The following CCP110 variants were observed in gnomAD, a reference collection of about 807,000 sequenced individuals.
CCP110 encodes centriolar coiled-coil protein 110.
A neutral mutation model predicts 105.5 loss-of-function variants in CCP110; 43 were observed. That is an observed-to-expected ratio of 0.41 (90% CI 0.32 to 0.53). The LOEUF (loss-of-function observed/expected upper bound fraction) is 0.53, where lower values mean the gene tolerates loss of function less well. Among genes scored for constraint, CCP110 ranks in the 20% least tolerant of loss-of-function variants. The probability of loss-of-function intolerance (pLI) is 0.32; values close to 1 mark genes in which losing one functional copy is unlikely to be tolerated. For missense variants in CCP110, 1,016 were observed against 1,189.1 expected, an observed-to-expected ratio of 0.85 and a Z score of 2.14; for synonymous variants, 353 against 392.1, an observed-to-expected ratio of 0.90 and a Z score of 1.18.
chr16:19,545,658 G>C (rs1023521350), intron 10 of CCP110, among the ~76,000 whole-genome samples, 159 bp from the exon 11 acceptor site: 3 of 152,056 alleles, frequency 2.0e-5, no homozygotes, highest in Non-Finnish European at 4.4e-5. Flanking sequence ...TTAATTCTTA[G>C]AATTAGACTG....
intron 3 of CCP110, among the ~76,000 whole-genome samples, chr16:19,535,177 G>A (rs573982663): frequency 2.0e-5 from 3 of 152,076 alleles, no homozygotes; most frequent in African/African-American, 4.8e-5. Context: ...ACCATGCCCC[G>A]CCAGTAGTCA....
At chr16:19,532,355 C>G (rs1310901949) in intron 2 of CCP110, 61 bp from the exon 3 acceptor site, 1 of 1,425,734 alleles carries the variant, frequency 7.0e-7, no homozygotes, top group Non-Finnish European at 9.5e-7. Context: ...TGATTCACAA[C>G]TTCCCGATTT....
In CCP110 at chr16:19,527,991, G is replaced by A. The variant is rs1395120292; in HGVS notation, c.110G>A (p.Arg37His). 2.2e-5 allele frequency: 35 copies of A among 1,612,296 alleles called. No homozygotes were observed. The highest frequency in any genetic ancestry group is 3.3e-5 in the Admixed American group (2 of 59,744). The change falls in exon 2 of 15, where the codon CGC becomes CAC. Residue 37 changes from arginine (R) to histidine (H), a missense_variant. Transcript: ENST00000381396. ...CAGTCTGAAAGTATCTCACTTATTCGCTTTCATGGAGTGGCTATCCTTTCT... is the reference window on the plus strand; with the variant it reads ...CAGTCTGAAAGTATCTCACTTATTCACTTTCATGGAGTGGCTATCCTTTCT...
In CCP110 at chr16:19,544,873, C is replaced by A; in HGVS notation, c.2561C>A (p.Ser854Ter). Reference sequence around the variant, plus strand: ...GGCATTGTTTCAGCTCAAGATGCTTCACTTCAGGAAAGAGTGTTAGCTCAG... The same window carrying A: ...GGCATTGTTTCAGCTCAAGATGCTTAACTTCAGGAAAGAGTGTTAGCTCAG... Residue 854 changes from serine (S) to a stop codon, truncating the protein, a stop_gained, in exon 9 of 15, where the codon TCA becomes TAA. Transcript: ENST00000381396. LOFTEE classifies it high-confidence loss of function. 1 of 1,596,474 alleles carries A rather than the reference C, an allele frequency of 6.3e-7. No individual in the cohort carries two copies. The highest frequency in any genetic ancestry group is 8.6e-7 in the Non-Finnish European group (1 of 1,164,498).
intron 2 of CCP110, among the ~76,000 whole-genome samples, chr16:19,531,953 A>G (rs1969884999): frequency 6.6e-6 from 1 of 150,686 alleles, no homozygotes; most frequent in Non-Finnish European, 1.5e-5. Context: ...GTGACAGAGC[A>G]AGACTCCATC....
At chr16:19,544,951 CT>C in intron 9 of CCP110, 53 bp downstream of exon 9, 2 of 1,075,456 alleles carry the variant, frequency 1.9e-6, no homozygotes, top group Non-Finnish European at 2.8e-6. Flanking sequence ...TATATTTCTC[CT>C]TTTTTATTTA....
In CCP110 at chr16:19,548,453, T is replaced by C. The variant is rs1450256289; in HGVS notation, c.2901-62T>C. 27 of 1,083,576 alleles carry C rather than the reference T, an allele frequency of 2.5e-5. No homozygotes were observed. The highest frequency in any genetic ancestry group is 2.0e-4 in the Middle Eastern group (1 of 4,912). 67.1% of individuals were successfully genotyped at this position (1,083,576 alleles called of 1,614,324 possible). On this transcript the variant is annotated intron_variant, in intron 13 of 14. Coordinates refer to ENST00000381396, the Ensembl canonical transcript of CCP110. This position sits in a 1 kb window ranked among gnomAD's most constrained non-coding sequence, Gnocchi z 4.1. The stretch of plus-strand genomic sequence containing the variant: ...AGTTGATGCAATGTGATTGCTTTCT[T>C]TGAATTTTGAACATTTAGACCTTAA...
At chr16:19,524,865 A>C (rs2151456503) in intron 1 of CCP110, 1 of 152,340 alleles carries the variant, frequency 6.6e-6, no homozygotes, top group Admixed American at 6.5e-5. Flanking sequence ...CATCATCATT[A>C]TCCTCTTAAT....
intron 10 of CCP110, 119 bp downstream of exon 10, chr16:19,545,329 C>A: frequency 5.5e-6 from 3 of 549,058 alleles, no homozygotes; most frequent in South Asian, 2.8e-5. Context: ...ACAAGTAATT[C>A]CTGGAATTAC....
At chr16:19,534,134 G>A (rs1342918412) in intron 3 of CCP110, among the ~76,000 whole-genome samples, 4 of 152,090 alleles carry the variant, frequency 2.6e-5, no homozygotes, top group Non-Finnish European at 5.9e-5. Flanking sequence ...TATAGTGTGT[G>A]GGTAGTAGAT....
intron 4 of CCP110, among the ~76,000 whole-genome samples, chr16:19,540,184 A>G (rs1412973570): frequency 6.6e-6 from 1 of 152,212 alleles, no homozygotes; most frequent in African/African-American, 2.4e-5. Context: ...AATATCTGGA[A>G]TTTTAACGTC....
chr16:19,541,843 T>C (rs757339990), intron 5 of CCP110, 44 bp from the exon 6 acceptor site: 1 of 1,121,172 alleles, frequency 8.9e-7, no homozygotes, highest in East Asian at 2.6e-5. Context: ...TTTTGGGACA[T>C]AATTAAAAGG....
Position 19,545,018 on chromosome 16 carries a change from G to C in CCP110, c.2587-76G>C, listed in dbSNP as rs1219124681. 3.5e-5 allele frequency: 34 copies of C among 983,360 alleles called. No homozygotes were observed. In the South Asian group the frequency reaches 5.0e-4, roughly 14 times the overall value. 60.9% of individuals were successfully genotyped at this position (983,360 alleles called of 1,614,324 possible). A position where few individuals can be genotyped will look rare whatever the true frequency, so the allele number is the denominator to read the frequency against. On this transcript the variant is annotated intron_variant, in intron 9 of 14. Transcript: ENST00000381396. ...TTTTAATCTTTTTCTATAAATAAGT[G>C]TACATGGTATATAGTATTCCTGAAC... is the stretch of plus-strand genomic sequence containing the variant.
chr16:19,551,024 T>C (rs1253838468), intron 14 of CCP110, among the ~76,000 whole-genome samples, 172 bp from the exon 14 acceptor site: 1 of 152,238 alleles, frequency 6.6e-6, no homozygotes, highest in African/African-American at 2.4e-5. Flanking sequence ...TCAGTTTTAT[T>C]ATCCTTAAAA....
At position 19,548,547 on chromosome 16, in the gene CCP110, A is replaced by G; in HGVS notation, c.2933A>G (p.Gln978Arg). 1 of 1,549,928 alleles carries G rather than the reference A, an allele frequency of 6.5e-7. No individual in the cohort carries two copies. The change falls in exon 14 of 15, where the codon CAA becomes CGA. Residue 978 changes from glutamine (Q) to arginine (R), a missense_variant. Coordinates refer to ENST00000381396, the Ensembl canonical transcript of CCP110. This position sits in a 1 kb window ranked among gnomAD's most constrained non-coding sequence, Gnocchi z 4.1. ...AAGACATCAGTGAAGGGGGTTGTGC[A>G]AAATAGACAGAAGCCTTCACAGAGC...
At chr16:19,539,128 A>G (rs1036549002) in intron 4 of CCP110, among the ~76,000 whole-genome samples, 1 of 151,708 alleles carries the variant, frequency 6.6e-6, no homozygotes, top group Non-Finnish European at 1.5e-5. Context: ...AAAAAATAAT[A>G]ATAATAAAGG....
At chr16:19,551,205 C>A in exon 15 of CCP110, 1 of 1,609,366 alleles carries the variant, frequency 6.2e-7, no homozygotes, top group African/African-American at 1.3e-5. Flanking sequence ...GGAGTATATG[C>A]AGGAAAAATC....
At chr16:19,536,237 A>T (rs1265911341) in exon 4 of CCP110, 1 of 1,613,950 alleles carries the variant, frequency 6.2e-7, no homozygotes, top group South Asian at 1.1e-5. Context: ...TTTTCCAAAG[A>T]CCTCTTCAGC....
In CCP110 at chr16:19,541,165, T is replaced by C. The variant is rs564189729; in HGVS notation, c.2049+378T>C. On this transcript the variant is annotated intron_variant, in intron 5 of 14. Transcript: ENST00000381396. ...TATGCAGGAGGCTGAGGTGGGAGGA[T>C]TGCTTGAGCCCAGAAATTCAAGGCT... 3.9e-5 allele frequency among the ~76,000 whole-genome samples: 6 copies of C among 152,072 alleles called. No individual in the cohort carries two copies. The East Asian group carries it at 1.2e-3, about 29-fold the overall frequency.
Sources: allele counts gnomAD v4.1 joint callset (sites outside exome capture counted in the v4.1 genomes callset), GRCh38; gene constraint gnomAD v4.1.1; non-coding constraint Gnocchi (gnomAD v3.1); transcripts MANE v1.5; gene names NCBI Gene and HGNC (gene_info 2026-07-23, HGNC 2026-07-21).